CASZ1: variants seen among roughly 807,000 people sequenced by gnomAD.
CASZ1 encodes zinc finger protein castor homolog 1.
CASZ1 carries 28 observed loss-of-function variants against 135.2 expected under a neutral mutation model. That is an observed-to-expected ratio of 0.21 (90% CI 0.15 to 0.28). The LOEUF is 0.28. Ranked by LOEUF, CASZ1 falls within the 10% of genes least tolerant of loss-of-function variation. The pLI is 1.00. For missense variants in CASZ1, 2,161 were observed against 2,453.3 expected (o/e 0.88, Z 2.52); for synonymous variants, 1,068 against 1,073.4 (o/e 0.99, Z 0.10).
rs927831778 is a variant in CASZ1, at chr1:10,767,413, C to T, written c.-233-6556G>A. ...CAGCCCTGTAAACAACCTGATTTTC[C>T]GCCTTCCCAGATCCTAGGCAGATCC... On this transcript the variant is annotated intron_variant, in intron 1 of 20. Coordinates refer to ENST00000377022, the MANE Select transcript of CASZ1 (RefSeq NM_001079843.3). The surrounding 1 kb of genome is among the most constrained non-coding windows in gnomAD (Gnocchi z 4.2). Among the ~76,000 whole-genome samples the T allele has an allele frequency of 3.3e-5, 5 of 152,204 alleles. No homozygotes were observed. Among genetic ancestry groups the T allele is most frequent in the Admixed American group, 6.5e-5 (1 of 15,284 alleles).
chr1:10,696,063 A>T (rs1638927490), intron 3 of CASZ1, among the ~76,000 whole-genome samples: 1 of 152,268 alleles, frequency 6.6e-6, no homozygotes, highest in South Asian at 2.1e-4. Flanking sequence ...CTATTTTTGC[A>T]ATATTTCTAT....
chr1:10,683,761 G>A (rs555002911), intron 4 of CASZ1, among the ~76,000 whole-genome samples: 2 of 152,288 alleles, frequency 1.3e-5, no homozygotes, highest in East Asian at 1.9e-4. Context: ...TGGGCACTCC[G>A]GGATGCCTCT....
chr1:10,765,570 G>T (rs1179213190), intron 1 of CASZ1, among the ~76,000 whole-genome samples: 4 of 152,146 alleles, frequency 2.6e-5, no homozygotes, highest in African/African-American at 9.7e-5. Context: ...TACACAATGA[G>T]CCAAAACAAG....
At chr1:10,745,717 C>T (rs1401034481) in intron 2 of CASZ1, among the ~76,000 whole-genome samples, 5 of 152,130 alleles carry the variant, frequency 3.3e-5, no homozygotes, top group Non-Finnish European at 1.5e-5. Flanking sequence ...ATGCTCTGTC[C>T]CCTCTAAGCC....
At chr1:10,667,412 C>T (rs906782064) in intron 4 of CASZ1, among the ~76,000 whole-genome samples, 38 of 152,196 alleles carry the variant, frequency 2.5e-4, no homozygotes, top group African/African-American at 8.9e-4. Flanking sequence ...TTGCCCAAGC[C>T]GATGCCCACT....
intron 4 of CASZ1, among the ~76,000 whole-genome samples, chr1:10,670,873 G>A (rs575618284): frequency 2.0e-5 from 3 of 151,856 alleles, no homozygotes; most frequent in East Asian, 2.0e-4. Context: ...CATCCCCTCC[G>A]AGAAGGGAGT....
rs1031415420 is a variant in CASZ1 at position 10,767,051 on chromosome 1, A to G, written c.-233-6194T>C. Reference sequence around the variant, plus strand: ...GTGGGACCTAGACTCGCTCTTCCCAAACTTCAGAAGGAAAACAGAAATCCT... The same window carrying G: ...GTGGGACCTAGACTCGCTCTTCCCAGACTTCAGAAGGAAAACAGAAATCCT... On this transcript the variant is annotated intron_variant, in intron 1 of 20. Transcript: ENST00000377022. The surrounding 1 kb of genome is among the most constrained non-coding windows in gnomAD (Gnocchi z 4.2). Among the ~76,000 whole-genome samples the G allele has an allele frequency of 6.6e-6, 1 of 152,238 alleles. No homozygotes were observed. Among genetic ancestry groups the G allele is most frequent in the Non-Finnish European group, 1.5e-5 (1 of 68,044 alleles).
At position 10,739,006 on chromosome 1, in the gene CASZ1, G is replaced by T. The variant is rs1281557183; in HGVS notation, c.-77+21695C>A. Among the ~76,000 whole-genome samples the T allele has an allele frequency of 6.7e-6, 1 of 149,758 alleles. No homozygotes were observed. Among genetic ancestry groups the T allele is most frequent in the Non-Finnish European group, 1.5e-5 (1 of 67,816 alleles). On this transcript the variant is annotated intron_variant, in intron 2 of 20. Coordinates refer to ENST00000377022, the MANE Select transcript of CASZ1 (RefSeq NM_001079843.3). The surrounding 1 kb of genome is among the most constrained non-coding windows in gnomAD (Gnocchi z 4.8). ...ATGCTGTCAAAATGTTCTCAACAAGGGGAGATTTGACTGGCTTCTCTGAGA... is the reference window on the plus strand; with the variant it reads ...ATGCTGTCAAAATGTTCTCAACAAGTGGAGATTTGACTGGCTTCTCTGAGA...
chr1:10,762,657 G>C lies in CASZ1; in HGVS notation c.-233-1800C>G, dbSNP rs564768398. On this transcript the variant is annotated intron_variant, in intron 1 of 20. Transcript: ENST00000377022. This position sits in a 1 kb window ranked among gnomAD's most constrained non-coding sequence, Gnocchi z 4.1. ...CTCCACTCCAATATCCCATCAGAAC[G>C]AACCCACCTAAAAGCCAGCATCTTA... 3.1e-4 allele frequency among the ~76,000 whole-genome samples: 47 copies of C among 152,222 alleles called. 1 individual carries two copies. Among genetic ancestry groups the C allele is most frequent in the Admixed American group, 2.9e-3 (44 of 15,288 alleles).
At position 10,697,112 on chromosome 1, in the gene CASZ1, G is replaced by T. The variant is rs1033256376; in HGVS notation, c.-23-3200C>A. Among the ~76,000 whole-genome samples the T allele has an allele frequency of 4.6e-5, 7 of 152,350 alleles. No homozygotes were observed. The South Asian group carries it at 1.4e-3, about 32-fold the overall frequency. On this transcript the variant is annotated intron_variant, in intron 3 of 20. Coordinates refer to ENST00000377022, the MANE Select transcript of CASZ1 (RefSeq NM_001079843.3). This position sits in a 1 kb window ranked among gnomAD's most constrained non-coding sequence, Gnocchi z 4.7. Reference sequence around the variant, plus strand: ...AAAAGGCCTTCAGTGGAGGAGCAGCGGTCAGAGAAGCAAGAAACAGGCCAA... The same window carrying T: ...AAAAGGCCTTCAGTGGAGGAGCAGCTGTCAGAGAAGCAAGAAACAGGCCAA...
At chr1:10,769,157 A>AAAAGG (rs1192380902) in intron 1 of CASZ1, among the ~76,000 whole-genome samples, 4 of 152,164 alleles carry the variant, frequency 2.6e-5, no homozygotes, top group African/African-American at 9.7e-5. Context: ...AAAAGAAAAG[A>AAAAGG]AAACTCAAGC....
At chr1:10,667,801 C>CT (rs1643280267) in intron 4 of CASZ1, among the ~76,000 whole-genome samples, 1 of 152,092 alleles carries the variant, frequency 6.6e-6, no homozygotes, top group African/African-American at 2.4e-5. Flanking sequence ...ACGCCCCCTC[C>CT]CCGGGCCCCC....
intron 2 of CASZ1, among the ~76,000 whole-genome samples, chr1:10,713,723 G>A (rs1340830238): frequency 6.6e-6 from 1 of 152,262 alleles, no homozygotes; most frequent in Non-Finnish European, 1.5e-5. Context: ...CAGGCTTGAT[G>A]AGGACAGGTG....
chr1:10,646,187 G>C lies in CASZ1; in HGVS notation c.3637C>G (p.Leu1213Val), dbSNP rs758062320. 2 of 1,614,198 alleles carry C rather than the reference G, an allele frequency of 1.2e-6. No homozygotes were observed. The highest frequency in any genetic ancestry group is 1.1e-5 in the South Asian group (1 of 91,080). Residue 1213 changes from leucine (L) to valine (V), a missense_variant, in exon 17 of 21, where the codon CTG becomes GTG. This residue lies in a region of CASZ1 where 349 missense variants were observed against 460.8 expected (regional missense o/e 0.76). Coordinates refer to ENST00000377022, the MANE Select transcript of CASZ1 (RefSeq NM_001079843.3). The surrounding 1 kb of genome is among the most constrained non-coding windows in gnomAD (Gnocchi z 6.4). ...CLDHINPNNN[L>V]VNVRDQFAYY... ...GCAAACTGGTCTCGCACGTTCACCA[G>C]GTTGTTGTTGGGGTTGATGTGGTCC...
chr1:10,749,417 T>C (rs941138737), intron 2 of CASZ1, among the ~76,000 whole-genome samples: 11 of 152,202 alleles, frequency 7.2e-5, no homozygotes, highest in African/African-American at 2.4e-4. Context: ...ACAGCTAATT[T>C]TTTGTGTTTT....
intron 2 of CASZ1, among the ~76,000 whole-genome samples, chr1:10,712,398 C>T (rs1202242154): frequency 6.6e-6 from 1 of 152,090 alleles, no homozygotes; most frequent in East Asian, 1.9e-4. Flanking sequence ...AAAATGGTTA[C>T]AATGGTAAAT....
rs934377481 is a variant in CASZ1 at position 10,762,728 on chromosome 1, T to G, written c.-233-1871A>C. 1.3e-5 allele frequency among the ~76,000 whole-genome samples: 2 copies of G among 152,088 alleles called. No individual in the cohort carries two copies. Among genetic ancestry groups the G allele is most frequent in the African/African-American group, 4.8e-5 (2 of 41,398 alleles). On this transcript the variant is annotated intron_variant, in intron 1 of 20. Coordinates refer to ENST00000377022, the MANE Select transcript of CASZ1 (RefSeq NM_001079843.3). The surrounding 1 kb of genome is among the most constrained non-coding windows in gnomAD (Gnocchi z 4.1). ...CTCTTCCAGCTTTGTAAAACAGACA[T>G]GTACATTCCCCAGAAAAAAGGTTAA...
At chr1:10,775,205 T>C (rs890296333) in intron 1 of CASZ1, among the ~76,000 whole-genome samples, 3 of 152,198 alleles carry the variant, frequency 2.0e-5, no homozygotes, top group African/African-American at 7.2e-5. Flanking sequence ...TTGCTGCCGA[T>C]AATTTTTCAG....
At chr1:10,664,270 C>A (rs779439381) in intron 5 of CASZ1, among the ~76,000 whole-genome samples, 2 of 151,944 alleles carry the variant, frequency 1.3e-5, no homozygotes. Context: ...GGAAGGAGGC[C>A]GGGGGCAGAG....
Sources: gnomAD v4.1 joint callset for allele counts (sites outside exome capture counted in the v4.1 genomes callset) on GRCh38, gnomAD v4.1.1 for gene constraint, gnomAD v4.1.1 regional missense constraint, Gnocchi (gnomAD v3.1) non-coding constraint, MANE v1.5 for transcripts, NCBI Gene and HGNC (gene_info 2026-07-23, HGNC 2026-07-21) for gene names.